Variants in OR14I1 observed in about 807,000 individuals in gnomAD.
The protein encoded by OR14I1 is olfactory receptor 14I1.
For synonymous variants in OR14I1, 118 were observed against 71.1 expected (o/e 1.66, Z -3.32); for missense variants, 279 against 181.8 (o/e 1.53, Z -3.07).
chr1:248,678,174 G>A (rs1272554154), downstream of OR14I1, among the ~76,000 whole-genome samples: 3 of 152,144 alleles, frequency 2.0e-5, no homozygotes, highest in Non-Finnish European at 2.9e-5. Context: ...ATTTTATAGA[G>A]CTACTACATA....
chr1:248,687,639 T>A, the OR14I1 span, among the ~76,000 whole-genome samples: 1 of 152,198 alleles, frequency 6.6e-6, no homozygotes, highest in Non-Finnish European at 1.5e-5. Flanking sequence ...CTTTATTTGA[T>A]CAAAGAATGA....
the OR14I1 span, among the ~76,000 whole-genome samples, chr1:248,701,624 A>T: frequency 4.6e-5 from 7 of 152,226 alleles, no homozygotes; most frequent in Non-Finnish European, 2.9e-5. Context: ...GAGTGGACAC[A>T]GAGTTAGTGA....
chr1:248,696,262 T>G, the OR14I1 span, among the ~76,000 whole-genome samples: 3 of 152,196 alleles, frequency 2.0e-5, no homozygotes, highest in Non-Finnish European at 2.9e-5. Flanking sequence ...AACTACCTTT[T>G]GATAGCCTAA....
chr1:248,682,044 TC>T lies in OR14I1; in HGVS notation c.260del (p.Arg87LysfsTer47), dbSNP rs1213877579. On this transcript the variant is annotated frameshift_variant, in exon 1 of 1. Transcript: ENST00000342623. LOFTEE classifies it low-confidence loss of function (END_TRUNC). ...CACAGCCAAGATAAGAGATGGAGCTTCTGCGAGTCAGGGAGTTACGGATGGA... is the reference window on the plus strand; with the variant it reads ...CACAGCCAAGATAAGAGATGGAGCTTTGCGAGTCAGGGAGTTACGGATGGA... 1.3e-6 allele frequency: 1 copy of T among 781,048 alleles called. No homozygotes were observed. Among genetic ancestry groups the T allele is most frequent in the African/African-American group, 1.7e-5 (1 of 59,254 alleles). The allele number at this position is 781,048 out of a possible 1,614,324, so 48.4% of individuals were successfully genotyped here.
rs147772378 is a variant in OR14I1, at chr1:248,681,529, C to G, written c.776G>C (p.Gly259Ala). The change falls in exon 1 of 1, where the codon GGA (glycine) becomes GCA (alanine). Residue 259 changes from glycine to alanine, a missense_variant. Physicochemically the swap from Gly to Ala is moderately conservative, Grantham distance 60. Coordinates refer to ENST00000342623, the Ensembl canonical transcript of OR14I1. ...AATGGACAGAGCTTTTGCAATTGGT[C>G]CTAAGGCAGCAAAGAGCCCTGTGGT... The G allele has an allele frequency of 1.5e-3, 1,186 of 780,964 alleles. 3 individuals are homozygous for G. Among genetic ancestry groups the G allele is most frequent in the Middle Eastern group, 6.8e-3 (30 of 4,442 alleles). The allele number at this position is 780,964 out of a possible 1,614,324, so 48.4% of individuals were successfully genotyped here. A position where few individuals can be genotyped will look rare whatever the true frequency, so the allele number is the denominator to read the frequency against.
chr1:248,697,018 C>T, the OR14I1 span: 4 of 152,100 alleles, frequency 2.6e-5, no homozygotes, highest in Non-Finnish European at 5.9e-5. Context: ...AGTCTTCTAT[C>T]TTTTTTTAAC....
the OR14I1 span, among the ~76,000 whole-genome samples, chr1:248,691,542 G>C: frequency 2.6e-5 from 4 of 152,238 alleles, no homozygotes; most frequent in African/African-American, 9.6e-5. Context: ...GAGAACCAAA[G>C]AATCGGAAAA....
the OR14I1 span, among the ~76,000 whole-genome samples, chr1:248,701,830 G>A: frequency 6.6e-6 from 1 of 152,142 alleles, no homozygotes; most frequent in Admixed American, 6.5e-5. Flanking sequence ...CAAAGACCCT[G>A]TGTTAGTCTG....
chr1:248,684,177 T>C (rs1232047382), upstream of OR14I1, among the ~76,000 whole-genome samples: 1 of 152,226 alleles, frequency 6.6e-6, no homozygotes, highest in Non-Finnish European at 1.5e-5. Flanking sequence ...GAGCAAAGTA[T>C]ATGAACAAGG....
the OR14I1 span, among the ~76,000 whole-genome samples, chr1:248,690,694 C>T: frequency 7.2e-6 from 1 of 138,104 alleles, no homozygotes; most frequent in African/African-American, 2.7e-5. Flanking sequence ...CTATTCCAAA[C>T]AACAGAAAAA....
At chr1:248,684,056 G>C (rs934352988), upstream of OR14I1, among the ~76,000 whole-genome samples, 1 of 151,858 alleles carries the variant, frequency 6.6e-6, no homozygotes, top group Admixed American at 6.6e-5. Flanking sequence ...AAAAAGAATT[G>C]TACTGTCACA....
upstream of OR14I1, among the ~76,000 whole-genome samples, chr1:248,686,079 T>C (rs1661645961): frequency 6.6e-6 from 1 of 152,122 alleles, no homozygotes; most frequent in Admixed American, 6.6e-5. Flanking sequence ...TTGATAGATA[T>C]AAGTTGAAAA....
At chr1:248,688,697 G>C in the OR14I1 span, among the ~76,000 whole-genome samples, 1 of 152,196 alleles carries the variant, frequency 6.6e-6, no homozygotes, top group African/African-American at 2.4e-5. Flanking sequence ...TTGGGGCATA[G>C]CAAAGATCAT....
At chr1:248,691,527 G>A in the OR14I1 span, among the ~76,000 whole-genome samples, 1 of 152,170 alleles carries the variant, frequency 6.6e-6, no homozygotes, top group African/African-American at 2.4e-5. Context: ...TTAATTGGGT[G>A]GGGTGAGAAC....
chr1:248,698,847 A>T, the OR14I1 span: 2 of 152,216 alleles, frequency 1.3e-5, no homozygotes, highest in Non-Finnish European at 2.9e-5. Context: ...TCTCACTTAC[A>T]GTTTCTTGCA....
chr1:248,701,057 C>G, the OR14I1 span, among the ~76,000 whole-genome samples: 1 of 152,082 alleles, frequency 6.6e-6, no homozygotes, highest in Admixed American at 6.6e-5. Context: ...AGCCTCCAAT[C>G]AAAGGAAAAG....
chr1:248,695,257 G>A, the OR14I1 span, among the ~76,000 whole-genome samples: 14 of 140,344 alleles, frequency 1.0e-4, 1 homozygote, highest in African/African-American at 3.8e-4. Flanking sequence ...TTTTTGAGAG[G>A]GAGTCTCGCT....
At chr1:248,693,916 ACC>A in the OR14I1 span, among the ~76,000 whole-genome samples, 4 of 149,032 alleles carry the variant, frequency 2.7e-5, no homozygotes, top group African/African-American at 7.7e-5. Flanking sequence ...AAAAAAAAAA[ACC>A]ATTTACTGGA....
the OR14I1 span, among the ~76,000 whole-genome samples, chr1:248,701,403 C>T: frequency 6.6e-6 from 1 of 152,198 alleles, no homozygotes; most frequent in Admixed American, 6.5e-5. Flanking sequence ...ATCCATCCAC[C>T]TCAGTCTCCC....
Sources: allele counts gnomAD v4.1 joint callset (sites outside exome capture counted in the v4.1 genomes callset), GRCh38; gene constraint gnomAD v4.1.1; transcripts MANE v1.5; gene names NCBI Gene and HGNC (gene_info 2026-07-23, HGNC 2026-07-21).